Variants in HECW1 observed in about 807,000 individuals in gnomAD.
HECW1 encodes HECT, C2 and WW domain containing E3 ubiquitin protein ligase 1.
A neutral mutation model predicts 182.3 loss-of-function variants in HECW1; 61 were observed. The ratio of observed to expected loss-of-function variants is 0.33; its 90% CI spans 0.27 to 0.41. HECW1 has a LOEUF of 0.41. Ranked by LOEUF, HECW1 falls within the 10% of genes least tolerant of loss-of-function variation. The pLI is 1.00. For synonymous variants in HECW1, 859 were observed against 832.6 expected (o/e 1.03, Z -0.55); for missense variants, 1,739 against 2,108.9 (o/e 0.82, Z 3.44).
At chr7:43,178,961 C>CGCACTG (rs1792533085) in intron 2 of HECW1, among the ~76,000 whole-genome samples, 1 of 152,202 alleles carries the variant, frequency 6.6e-6, no homozygotes, top group Non-Finnish European at 1.5e-5. Context: ...ATACCTGATT[C>CGCACTG]ATATTCACCA....
chr7:43,459,693 G>A (rs1035246456), intron 13 of HECW1, among the ~76,000 whole-genome samples: 3 of 151,994 alleles, frequency 2.0e-5, no homozygotes, highest in East Asian at 1.9e-4. Context: ...ATGCACCACT[G>A]CACTCAGCTA....
intron 2 of HECW1, among the ~76,000 whole-genome samples, chr7:43,149,066 T>G (rs1789017940): frequency 6.6e-6 from 1 of 152,002 alleles, no homozygotes; most frequent in African/African-American, 2.4e-5. Flanking sequence ...TTGTGGCAAA[T>G]AAAATCCACA....
At chr7:43,488,439 A>AGGAAGGAAGGAAGGAAGGAAG (rs2078774721) in intron 17 of HECW1, among the ~76,000 whole-genome samples, 1 of 112,360 alleles carries the variant, frequency 8.9e-6, no homozygotes, top group African/African-American at 3.6e-5. Context: ...AGAAAGAGAA[A>AGGAAGGAAGGAAGGAAGGAAG]GAAAGAAAGA....
intron 8 of HECW1, among the ~76,000 whole-genome samples, chr7:43,435,878 T>A (rs766854619): frequency 6.6e-6 from 1 of 152,132 alleles, no homozygotes; most frequent in Non-Finnish European, 1.5e-5. Flanking sequence ...GTTAAAAGAT[T>A]GCTAGGCCGG....
intron 2 of HECW1, among the ~76,000 whole-genome samples, chr7:43,159,837 G>A (rs890917272): frequency 6.6e-6 from 1 of 151,760 alleles, no homozygotes; most frequent in Non-Finnish European, 1.5e-5. Flanking sequence ...CCACCACCAC[G>A]CCCGGCTAAT....
At chr7:43,259,488 C>T (rs1445998214) in intron 3 of HECW1, among the ~76,000 whole-genome samples, 1 of 151,836 alleles carries the variant, frequency 6.6e-6, no homozygotes, top group Non-Finnish European at 1.5e-5. Flanking sequence ...TCAACAGAAG[C>T]AGGCCCACAG....
At position 43,483,440 on chromosome 7, in the gene HECW1, G is replaced by A. The variant is rs114260230; in HGVS notation, c.3234+3696G>A. On this transcript the variant is annotated intron_variant, in intron 17 of 29. Transcript: ENST00000395891. ...CCATAGATGGTAGCATTACCCCAGT[G>A]AAGAACCATTATTTTACAGTCCAGT... Among the ~76,000 whole-genome samples the A allele has an allele frequency of 4.1e-3, 622 of 151,760 alleles. 2 individuals carry two copies. The highest frequency in any genetic ancestry group is 0.014 in the African/African-American group (589 of 41,360).
chr7:43,510,518 C>A (rs950078971), intron 24 of HECW1, among the ~76,000 whole-genome samples: 1 of 152,174 alleles, frequency 6.6e-6, no homozygotes, highest in Non-Finnish European at 1.5e-5. Context: ...TCTCATGCCT[C>A]AAAGAGACTA....
At chr7:43,530,357 A>G (rs1291018983) in intron 24 of HECW1, among the ~76,000 whole-genome samples, 1 of 151,966 alleles carries the variant, frequency 6.6e-6, no homozygotes, top group African/African-American at 2.4e-5. Flanking sequence ...CCTAGTTTTT[A>G]TTATATCTTT....
rs201515538 is a variant in HECW1, at chr7:43,445,101, C to T, written c.1929C>T (p.Gly643=). 6.9e-6 allele frequency: 11 copies of T among 1,605,680 alleles called. No homozygotes were observed. The highest frequency in any genetic ancestry group is 5.3e-5 in the African/African-American group (4 of 74,988). ...GCCACTTCCCCAGCCTGGCCAATGG[C>T]GCGGCCCAGGATGGCGACACGCACC... ...SGGHFPSLAN[G]AAQDGDTHPS... Residue 643 remains glycine (G), a synonymous_variant, in exon 11 of 30, where the codon GGC becomes GGT. Transcript: ENST00000395891.
Position 43,156,262 on chromosome 7 carries a change from C to T in HECW1, c.-32+41871C>T, listed in dbSNP as rs188637039. ...GCATTAAGTGTTCGTCAGCTTCATA[C>T]TCGCAGAGTCTCTGAGGTATCTGGG... is the stretch of plus-strand genomic sequence containing the variant. On this transcript the variant is annotated intron_variant, in intron 2 of 29. Transcript: ENST00000395891. Among the ~76,000 whole-genome samples the T allele has an allele frequency of 2.5e-3, 388 of 152,284 alleles. 2 individuals carry two copies. The highest frequency in any genetic ancestry group is 8.6e-3 in the African/African-American group (357 of 41,538).
rs954039453 is a variant in HECW1, at chr7:43,516,124, A to C, written c.4019+7003A>C. 2.6e-5 allele frequency among the ~76,000 whole-genome samples: 4 copies of C among 152,248 alleles called. No individual in the cohort carries two copies. The South Asian group carries it at 8.3e-4, about 32-fold the overall frequency. ...TATATTGACTGAATTTATCACTATAAAAAGTATTAATATGTTTATAATTCG... is the reference window on the plus strand; with the variant it reads ...TATATTGACTGAATTTATCACTATACAAAGTATTAATATGTTTATAATTCG... On this transcript the variant is annotated intron_variant, in intron 24 of 29. Coordinates refer to ENST00000395891, the MANE Select transcript of HECW1 (RefSeq NM_015052.5).
intron 16 of HECW1, among the ~76,000 whole-genome samples, chr7:43,474,601 A>G (rs1183622206): frequency 6.6e-6 from 1 of 152,188 alleles, no homozygotes; most frequent in East Asian, 1.9e-4. Flanking sequence ...AGGAGAAATG[A>G]AAGGAGATGA....
At chr7:43,463,638 C>G in intron 13 of HECW1, 22 bp from the exon 14 acceptor site, 2 of 1,605,970 alleles carry the variant, frequency 1.2e-6, no homozygotes, top group Non-Finnish European at 1.7e-6. Context: ...TAACTCCTGT[C>G]TTTCCATTTT....
intron 2 of HECW1, among the ~76,000 whole-genome samples, chr7:43,228,970 CT>C (rs1256588859): frequency 2.0e-5 from 3 of 152,144 alleles, no homozygotes; most frequent in East Asian, 1.9e-4. Flanking sequence ...TCATGAGTGT[CT>C]TTTTTTCTTC....
Position 43,444,688 on chromosome 7 carries a change from CAGG to C in HECW1, c.1526_1528del (p.Glu509del). 1.2e-6 allele frequency: 2 copies of C among 1,606,218 alleles called. No individual in the cohort carries two copies. The highest frequency in any genetic ancestry group is 1.7e-6 in the Non-Finnish European group (2 of 1,176,060). On this transcript the variant is annotated inframe_deletion, in exon 11 of 30. Coordinates refer to ENST00000395891, the MANE Select transcript of HECW1 (RefSeq NM_015052.5). The surrounding 1 kb of genome is among the most constrained non-coding windows in gnomAD (Gnocchi z 4.3). ...TGGAAGGGAAGAAGAGGAGAAGGAGCAGGAGGAGGAGGGAGATGTGTCTACCCT... is the reference window on the plus strand; with the variant it reads ...TGGAAGGGAAGAAGAGGAGAAGGAGCAGGAGGAGGGAGATGTGTCTACCCT...
intron 24 of HECW1, among the ~76,000 whole-genome samples, chr7:43,532,684 C>T (rs2081039217): frequency 6.6e-6 from 1 of 152,192 alleles, no homozygotes; most frequent in African/African-American, 2.4e-5. Flanking sequence ...TTTTTCTTTA[C>T]TCAGGTCCTG....
chr7:43,552,470 A>G, intron 28 of HECW1, 134 bp downstream of exon 28: 5 of 662,034 alleles, frequency 7.6e-6, no homozygotes, highest in Non-Finnish European at 1.1e-5. Context: ...CATTTAGTAC[A>G]TTCACAGTTT....
Position 43,114,390 on chromosome 7 carries a change from C to T in HECW1, c.-33C>T, listed in dbSNP as rs1356644403. The T allele has an allele frequency of 1.9e-5, 25 of 1,344,788 alleles. No individual in the cohort carries two copies. The highest frequency in any genetic ancestry group is 2.0e-4 in the Middle Eastern group (1 of 5,068). The allele number at this position is 1,344,788 out of a possible 1,614,324, so 83.3% of individuals were successfully genotyped here. On this transcript the variant is annotated splice_region_variant and 5_prime_UTR_variant, in exon 2 of 30. In the 5' UTR this introduces an upstream ATG that the reference lacks. Coordinates refer to ENST00000395891, the MANE Select transcript of HECW1 (RefSeq NM_015052.5). Reference sequence around the variant, plus strand: ...AGACTCACTCCGGCTGTGGCTATTACGGTAATTCATTCTAGATTGGGGATT... The same window carrying T: ...AGACTCACTCCGGCTGTGGCTATTATGGTAATTCATTCTAGATTGGGGATT...
Sources: allele counts gnomAD v4.1 joint callset (sites outside exome capture counted in the v4.1 genomes callset), GRCh38; gene constraint gnomAD v4.1.1; non-coding constraint Gnocchi (gnomAD v3.1); transcripts MANE v1.5; gene names NCBI Gene and HGNC (gene_info 2026-07-23, HGNC 2026-07-21).